ULK4: variants seen among roughly 807,000 people sequenced by gnomAD.
ULK4 encodes the protein unc-51 like kinase 4, also known as inactive serine/threonine-protein kinase ULK4.
In ULK4, 133 loss-of-function variants were observed where a neutral mutation model predicts 160.6. The observed-to-expected ratio is 0.83, with a 90% confidence interval of 0.72 to 0.96. The LOEUF (loss-of-function observed/expected upper bound fraction) is 0.96. Among genes scored for constraint, ULK4 ranks in the 40% least tolerant of loss-of-function variants. The pLI is 0.00. For synonymous variants in ULK4, 534 were observed against 539.8 expected (o/e 0.99, Z 0.15); for missense variants, 1,580 against 1,499.5 (o/e 1.05, Z -0.89).
intron 7 of ULK4, among the ~76,000 whole-genome samples, chr3:41,916,638 G>T (rs1421156665): frequency 6.6e-6 from 1 of 151,170 alleles, no homozygotes; most frequent in African/African-American, 2.4e-5. Flanking sequence ...TGATCCACCT[G>T]CCTTGGATCT....
chr3:41,910,865 A>T (rs1429248037), intron 11 of ULK4, among the ~76,000 whole-genome samples: 1 of 152,144 alleles, frequency 6.6e-6, no homozygotes, highest in Admixed American at 6.5e-5. Context: ...TGAGAGGCTA[A>T]AGTGGCAAGA....
At chr3:41,367,530 G>A (rs2081275928) in intron 35 of ULK4, among the ~76,000 whole-genome samples, 1 of 152,050 alleles carries the variant, frequency 6.6e-6, no homozygotes, top group African/African-American at 2.4e-5. Flanking sequence ...TGGAGCTGGG[G>A]CCCACGCTTC....
chr3:41,485,984 G>A (rs1342430450), intron 32 of ULK4, among the ~76,000 whole-genome samples: 1 of 151,996 alleles, frequency 6.6e-6, no homozygotes, highest in Non-Finnish European at 1.5e-5. Context: ...CTTGATCTCC[G>A]GATGGCTCTA....
chr3:41,938,861 A>G (rs1213589125), intron 2 of ULK4, among the ~76,000 whole-genome samples: 1 of 152,120 alleles, frequency 6.6e-6, no homozygotes, highest in Non-Finnish European at 1.5e-5. Flanking sequence ...CTCATTTTCT[A>G]TTGGCTACAC....
At chr3:41,890,336 G>A (rs1207588555) in intron 16 of ULK4, among the ~76,000 whole-genome samples, 1 of 152,080 alleles carries the variant, frequency 6.6e-6, no homozygotes, top group Non-Finnish European at 1.5e-5. Context: ...TTCAGGAACA[G>A]AAAAAGGATG....
intron 32 of ULK4, among the ~76,000 whole-genome samples, chr3:41,488,080 T>C (rs984897092): frequency 2.6e-5 from 4 of 152,078 alleles, no homozygotes; most frequent in Admixed American, 6.6e-5. Flanking sequence ...AAAGATGAAG[T>C]AGAAATACAT....
intron 27 of ULK4, among the ~76,000 whole-genome samples, chr3:41,704,134 C>T (rs567821940): frequency 1.4e-4 from 21 of 152,252 alleles, no homozygotes; most frequent in African/African-American, 4.1e-4. Context: ...ATTTGAAAAA[C>T]ATTTTCACAT....
At chr3:41,750,961 C>CAA (rs200240053) in intron 22 of ULK4, among the ~76,000 whole-genome samples, 4 of 97,776 alleles carry the variant, frequency 4.1e-5, no homozygotes, top group Admixed American at 1.3e-4. Flanking sequence ...GACTCCACCT[C>CAA]AAAAAAAAAA....
intron 35 of ULK4, among the ~76,000 whole-genome samples, chr3:41,295,460 A>G (rs2125706523): frequency 7.4e-6 from 1 of 134,240 alleles, no homozygotes; most frequent in African/African-American, 2.7e-5. Context: ...TCCATGAAAG[A>G]AATAACTGAT....
At chr3:41,537,314 A>G (rs150978026) in intron 32 of ULK4, among the ~76,000 whole-genome samples, 169 of 152,240 alleles carry the variant, frequency 1.1e-3, no homozygotes, top group African/African-American at 4.0e-3. Context: ...TTCAGGCTTG[A>G]TAGCTTTTAT....
At chr3:41,488,145 C>A (rs982040823) in intron 32 of ULK4, among the ~76,000 whole-genome samples, 1 of 152,156 alleles carries the variant, frequency 6.6e-6, no homozygotes, top group African/African-American at 2.4e-5. Context: ...AGTTAGAGAA[C>A]AATACATAGA....
chr3:41,825,100 GGTCCT>G (rs2041297505), intron 18 of ULK4, among the ~76,000 whole-genome samples: 1 of 152,150 alleles, frequency 6.6e-6, no homozygotes. Context: ...TGCAGCTGAG[GGTCCT>G]GTCTGTTAGA....
In ULK4 at chr3:41,911,686, C is replaced by T. The variant is rs199792123; in HGVS notation, c.897-27G>A. 5.8e-6 allele frequency: 9 copies of T among 1,552,506 alleles called. No individual in the cohort carries two copies. In the Admixed American group the frequency reaches 8.5e-5, roughly 15 times the overall value. ...TATTATTGGAGAAAACCAACACAAT[C>T]AAACTTACTTTGGAGTTCTCTATAG... On this transcript the variant is annotated intron_variant, in intron 9 of 36. Coordinates refer to ENST00000301831, the MANE Select transcript of ULK4 (RefSeq NM_017886.4).
At chr3:41,799,949 G>T (rs1217055245) in intron 20 of ULK4, among the ~76,000 whole-genome samples, 183 bp downstream of exon 20, 1 of 152,012 alleles carries the variant, frequency 6.6e-6, no homozygotes, top group Non-Finnish European at 1.5e-5. Flanking sequence ...ACAGTCTCAA[G>T]GTTTTCCAGT....
At chr3:41,844,913 G>A (rs2042029294) in intron 17 of ULK4, among the ~76,000 whole-genome samples, 1 of 151,816 alleles carries the variant, frequency 6.6e-6, no homozygotes, top group Non-Finnish European at 1.5e-5. Flanking sequence ...TCTGTAAATG[G>A]ATGTTTATAG....
chr3:41,480,206 CAAAAAA>C (rs60805184), intron 32 of ULK4, among the ~76,000 whole-genome samples: 10 of 97,176 alleles, frequency 1.0e-4, no homozygotes, highest in African/African-American at 1.5e-4. Flanking sequence ...GACTCCGTAT[CAAAAAA>C]AAAAAAAAAA....
chr3:41,795,232 T>A (rs2125598406), intron 20 of ULK4, among the ~76,000 whole-genome samples: 1 of 152,328 alleles, frequency 6.6e-6, no homozygotes, highest in African/African-American at 2.4e-5. Context: ...CTTTAATAAA[T>A]CCTCATGTAA....
chr3:41,448,916 C>A (rs1166551501), intron 34 of ULK4, among the ~76,000 whole-genome samples: 1 of 152,110 alleles, frequency 6.6e-6, no homozygotes, highest in Non-Finnish European at 1.5e-5. Flanking sequence ...GATGGAGTCT[C>A]ACTCTGTCAC....
intron 30 of ULK4, among the ~76,000 whole-genome samples, chr3:41,642,642 A>G (rs2034271612): frequency 6.6e-6 from 1 of 152,236 alleles, no homozygotes; most frequent in Admixed American, 6.5e-5. Context: ...CAGTGCCGCA[A>G]TAAACATACG....
Sources: allele counts gnomAD v4.1 joint callset (sites outside exome capture counted in the v4.1 genomes callset), GRCh38; gene constraint gnomAD v4.1.1; transcripts MANE v1.5; gene names NCBI Gene and HGNC (gene_info 2026-07-23, HGNC 2026-07-21).